The following NRXN1 variants were observed in gnomAD, a reference collection of about 807,000 sequenced individuals.
NRXN1 encodes neurexin-1.
NRXN1 carries 39 observed loss-of-function variants against 150.9 expected under a neutral mutation model. That is an observed-to-expected ratio of 0.26 (90% confidence interval 0.20 to 0.34). The LOEUF (loss-of-function observed/expected upper bound fraction) is 0.34. NRXN1 is among the 10% of genes least tolerant of loss of function. NRXN1 has a pLI of 1.00. For synonymous variants in NRXN1, 924 were observed against 757.0 expected, an observed-to-expected ratio of 1.22 and a Z score of -3.62; for missense variants, 1,815 against 1,949.9, an observed-to-expected ratio of 0.93 and a Z score of 1.30.
At chr2:50,124,272 T>C (rs543921319) in intron 18 of NRXN1, among the ~76,000 whole-genome samples, 24 of 152,144 alleles carry the variant, frequency 1.6e-4, no homozygotes, top group Middle Eastern at 3.2e-3. Flanking sequence ...ATAAGAATAT[T>C]GAATACATTA....
intron 17 of NRXN1, among the ~76,000 whole-genome samples, chr2:50,427,699 G>C (rs537226914): frequency 6.6e-6 from 1 of 152,334 alleles, no homozygotes; most frequent in East Asian, 1.9e-4. Context: ...ATTTGGCAAA[G>C]TTGAGGTGCT....
chr2:50,581,393 T>C (rs1055136579), intron 8 of NRXN1, among the ~76,000 whole-genome samples: 1 of 152,232 alleles, frequency 6.6e-6, no homozygotes, highest in African/African-American at 2.4e-5. Flanking sequence ...GGATAGCTTA[T>C]GTTTCTCTCT....
intron 17 of NRXN1, among the ~76,000 whole-genome samples, chr2:50,356,557 C>T (rs2078833716): frequency 1.3e-5 from 2 of 152,078 alleles, no homozygotes. Flanking sequence ...GAGATGATTC[C>T]CCCGGAGAAC....
intron 17 of NRXN1, among the ~76,000 whole-genome samples, chr2:50,278,267 T>C (rs1432467446): frequency 1.1e-5 from 1 of 88,502 alleles, no homozygotes; most frequent in Non-Finnish European, 2.2e-5. Context: ...ATATATATTA[T>C]ATATGTATTA....
chr2:50,989,728 T>C (rs1698260698), intron 2 of NRXN1, among the ~76,000 whole-genome samples: 1 of 152,024 alleles, frequency 6.6e-6, no homozygotes, highest in Non-Finnish European at 1.5e-5. Flanking sequence ...GTTTCTAAAA[T>C]TTATCAATTA....
At chr2:50,174,191 A>T (rs1035226903) in intron 18 of NRXN1, among the ~76,000 whole-genome samples, 3 of 152,142 alleles carry the variant, frequency 2.0e-5, no homozygotes, top group Admixed American at 6.6e-5. Context: ...AGAATTTTTT[A>T]AAAAATACAA....
intron 17 of NRXN1, among the ~76,000 whole-genome samples, chr2:50,241,202 G>T (rs777869455): frequency 4.1e-5 from 6 of 146,612 alleles, no homozygotes; most frequent in Admixed American, 2.7e-4. Flanking sequence ...AGCATAGTAA[G>T]ATTTATAGCA....
chr2:50,395,685 G>C (rs778137672), intron 17 of NRXN1, among the ~76,000 whole-genome samples: 1 of 152,138 alleles, frequency 6.6e-6, no homozygotes, highest in Non-Finnish European at 1.5e-5. Flanking sequence ...TGTGCTAAAA[G>C]CTTTACAAGC....
Position 50,154,609 on chromosome 2 carries a change from T to C in NRXN1, c.3547-63115A>G, listed in dbSNP as rs545635375. Among the ~76,000 whole-genome samples, 3 of 151,758 alleles carry C rather than the reference T, an allele frequency of 2.0e-5. No individual in the cohort carries two copies. In the East Asian group the frequency reaches 5.8e-4, roughly 29 times the overall value. Reference sequence around the variant, plus strand: ...TATAATTAGCCACAGAATATTATAGTACTTCAATAAAGAAAGGCTCCTATA... The same window carrying C: ...TATAATTAGCCACAGAATATTATAGCACTTCAATAAAGAAAGGCTCCTATA... On this transcript the variant is annotated intron_variant, in intron 18 of 22. Transcript: ENST00000401669.
chr2:50,514,145 G>A (rs1239536935), intron 12 of NRXN1, among the ~76,000 whole-genome samples: 1 of 152,108 alleles, frequency 6.6e-6, no homozygotes, highest in African/African-American at 2.4e-5. Context: ...CATTTATCGA[G>A]CATGAAGATT....
At chr2:50,939,565 T>C (rs72826599) in intron 2 of NRXN1, among the ~76,000 whole-genome samples, 38 of 152,202 alleles carry the variant, frequency 2.5e-4, no homozygotes, top group Admixed American at 4.6e-4. Flanking sequence ...ACTTTTCTTT[T>C]CTCTAACAAT....
At chr2:50,599,635 A>G (rs908010295) in intron 8 of NRXN1, among the ~76,000 whole-genome samples, 5 of 152,212 alleles carry the variant, frequency 3.3e-5, no homozygotes, top group Admixed American at 1.3e-4. Flanking sequence ...TGAAAATTAT[A>G]TAAGTCAATA....
intron 19 of NRXN1, among the ~76,000 whole-genome samples, chr2:50,062,775 C>G (rs143131628): frequency 7.4e-4 from 112 of 152,168 alleles, no homozygotes; most frequent in African/African-American, 2.5e-3. Flanking sequence ...CATTTTAGTT[C>G]TTCACTCTTG....
chr2:50,499,988 C>T (rs1235957469), intron 13 of NRXN1, among the ~76,000 whole-genome samples: 2 of 151,466 alleles, frequency 1.3e-5, no homozygotes, highest in Non-Finnish European at 2.9e-5. Flanking sequence ...TTTGATATCC[C>T]TTTGGGTTGA....
At chr2:50,664,206 C>G (rs1034100700) in intron 5 of NRXN1, among the ~76,000 whole-genome samples, 1 of 151,812 alleles carries the variant, frequency 6.6e-6, no homozygotes, top group Admixed American at 6.6e-5. Context: ...CTGCATTTTC[C>G]AAACAGAATG....
chr2:50,504,899 G>T (rs912407283), intron 13 of NRXN1, among the ~76,000 whole-genome samples: 1 of 152,096 alleles, frequency 6.6e-6, no homozygotes, highest in African/African-American at 2.4e-5. Flanking sequence ...ATTCTTTCTT[G>T]TCTGGAATTC....
intron 17 of NRXN1, among the ~76,000 whole-genome samples, chr2:50,265,984 TTATTATTATTA>T (rs1212301042): frequency 2.1e-5 from 2 of 93,852 alleles, no homozygotes; most frequent in Non-Finnish European, 4.1e-5. Context: ...ATTATTATTA[TTATTATTATTA>T]TTATTTATTT....
chr2:50,521,431 T>A (rs190826566), intron 12 of NRXN1, among the ~76,000 whole-genome samples: 127 of 152,320 alleles, frequency 8.3e-4, no homozygotes, highest in African/African-American at 2.9e-3. Flanking sequence ...TTTAAGTACA[T>A]TAAAAATAAA....
intron 2 of NRXN1, among the ~76,000 whole-genome samples, chr2:50,972,058 G>A (rs957524623): frequency 9.4e-5 from 14 of 149,474 alleles, no homozygotes; most frequent in African/African-American, 3.5e-4. Context: ...ATTGCAACCA[G>A]CTAAATCTCT....
Sources: gnomAD v4.1 joint callset for allele counts (sites outside exome capture counted in the v4.1 genomes callset) on GRCh38, gnomAD v4.1.1 for gene constraint, MANE v1.5 for transcripts, NCBI Gene and HGNC (gene_info 2026-07-23, HGNC 2026-07-21) for gene names.